Variants in KIAA1217 observed in about 807,000 individuals in gnomAD.
KIAA1217 encodes KIAA1217.
KIAA1217 carries 88 observed loss-of-function variants against 163.9 expected under a neutral mutation model. The observed-to-expected ratio is 0.54, with a 90% CI of 0.45 to 0.64. The LOEUF is 0.64. KIAA1217 is among the 30% of genes least tolerant of loss of function. The pLI, the probability that KIAA1217 is intolerant of heterozygous loss-of-function variation, is 0.00. For synonymous variants in KIAA1217, 903 were observed against 923.1 expected (o/e 0.98, Z 0.39); for missense variants, 2,372 against 2,475.0 (o/e 0.96, Z 0.88).
At chr10:23,923,885 A>G (rs4748915) in intron 1 of KIAA1217, among the ~76,000 whole-genome samples, 2,962 of 152,322 alleles carry the variant, frequency 0.019, 59 homozygotes, top group Admixed American at 0.063. Flanking sequence ...TTTATTTCCA[A>G]TGGCAGTGGC....
At position 23,769,561 on chromosome 10, in the gene KIAA1217, A is replaced by T. The variant is rs571984677; in HGVS notation, c.-321+74327A>T. 4.0e-3 allele frequency among the ~76,000 whole-genome samples: 607 copies of T among 152,338 alleles called. 10 individuals carry two copies. The highest frequency in any genetic ancestry group is 0.013 in the African/African-American group (555 of 41,580). The stretch of plus-strand genomic sequence containing the variant: ...GCTGTTATCATCTTTGTTCTAAATT[A>T]TAAACTATAAATTAAGTTCCTCCCC... On this transcript the variant is annotated intron_variant, in intron 1 of 18. Transcript: ENST00000376462.
intron 2 of KIAA1217, among the ~76,000 whole-genome samples, chr10:24,321,795 G>A (rs1080524): frequency 0.8 from 121,856 of 151,972 alleles, 49,231 homozygotes; most frequent in South Asian, 0.9. Flanking sequence ...TTCAATGGGT[G>A]TGCAGTTTCA....
intron 1 of KIAA1217, among the ~76,000 whole-genome samples, chr10:23,830,111 C>T (rs1026797180): frequency 6.6e-6 from 1 of 152,282 alleles, no homozygotes; most frequent in African/African-American, 2.4e-5. Flanking sequence ...GATTTAATGA[C>T]AGAATGATTC....
intron 2 of KIAA1217, among the ~76,000 whole-genome samples, chr10:24,370,264 C>CAAAAAAAAAAA (rs5783891): frequency 3.1e-4 from 23 of 73,424 alleles, no homozygotes; most frequent in East Asian, 1.9e-3. Flanking sequence ...GACTCTGTCT[C>CAAAAAAAAAAA]AAAAAAAAAA....
chr10:23,697,091 C>T (rs1836093348), intron 1 of KIAA1217, among the ~76,000 whole-genome samples: 1 of 152,140 alleles, frequency 6.6e-6, no homozygotes, highest in Non-Finnish European at 1.5e-5. Flanking sequence ...CATCTCCGTT[C>T]TCTATGAAAT....
intron 2 of KIAA1217, among the ~76,000 whole-genome samples, chr10:24,274,921 T>G (rs1202456323): frequency 6.6e-6 from 1 of 152,122 alleles, no homozygotes; most frequent in African/African-American, 2.4e-5. Context: ...TTTTTAAAAT[T>G]TATTCTCTTT....
chr10:24,263,397 C>G (rs2075905504), intron 2 of KIAA1217, among the ~76,000 whole-genome samples: 1 of 152,156 alleles, frequency 6.6e-6, no homozygotes, highest in Admixed American at 6.5e-5. Context: ...GTGTTTAGCT[C>G]TTGCAGGAAA....
chr10:23,944,423 C>CA (rs1843923869), intron 1 of KIAA1217, among the ~76,000 whole-genome samples: 1 of 148,168 alleles, frequency 6.7e-6, no homozygotes, highest in African/African-American at 2.5e-5. Context: ...GACCCTGTCT[C>CA]AAAAAAAGAA....
chr10:23,823,853 T>G (rs1837740556), intron 1 of KIAA1217, among the ~76,000 whole-genome samples: 1 of 144,280 alleles, frequency 6.9e-6, no homozygotes, highest in African/African-American at 2.6e-5. Flanking sequence ...TAAAAAGGGG[T>G]GGAAGGGAAG....
intron 1 of KIAA1217, among the ~76,000 whole-genome samples, chr10:23,957,194 G>A (rs1355566231): frequency 1.3e-5 from 2 of 152,046 alleles, no homozygotes; most frequent in Middle Eastern, 3.2e-3. Flanking sequence ...CCAGAGTCCC[G>A]TGTGTGCTGG....
intron 2 of KIAA1217, among the ~76,000 whole-genome samples, chr10:24,306,316 C>T (rs2042001632): frequency 6.6e-6 from 1 of 152,158 alleles, no homozygotes; most frequent in African/African-American, 2.4e-5. Context: ...GTACATGGTT[C>T]TGTGCATGAT....
In KIAA1217 at chr10:24,399,136, A is replaced by G. The variant is rs560478954; in HGVS notation, c.553+18069A>G. Among the ~76,000 whole-genome samples, 19 of 152,334 alleles carry G rather than the reference A, an allele frequency of 1.2e-4. No individual in the cohort carries two copies. In the South Asian group the frequency reaches 3.9e-3, roughly 32 times the overall value. ...AGGTCAACTGTAGTTGTACATAGCC[A>G]GTGAGATCATATAGGTCATGTTCTT... On this transcript the variant is annotated intron_variant, in intron 3 of 20. Coordinates refer to ENST00000376454, the MANE Select transcript of KIAA1217 (RefSeq NM_019590.5).
At chr10:24,241,633 T>C (rs1261489182) in intron 2 of KIAA1217, among the ~76,000 whole-genome samples, 3 of 152,190 alleles carry the variant, frequency 2.0e-5, no homozygotes, top group Non-Finnish European at 4.4e-5. Flanking sequence ...AGGAGTCGAA[T>C]ATACTGTCCT....
intron 1 of KIAA1217, among the ~76,000 whole-genome samples, chr10:23,929,177 A>C (rs1403508104): frequency 2.6e-5 from 4 of 152,238 alleles, no homozygotes; most frequent in Non-Finnish European, 5.9e-5. Flanking sequence ...AAGAAATAAA[A>C]TGAAGTAAAT....
chr10:24,323,768 C>G (rs1300417833), intron 2 of KIAA1217, among the ~76,000 whole-genome samples: 3 of 147,634 alleles, frequency 2.0e-5, no homozygotes, highest in Non-Finnish European at 4.4e-5. Context: ...AATTTGAAGA[C>G]AATGCCCATG....
chr10:23,984,660 G>A (rs1845899706), intron 1 of KIAA1217, among the ~76,000 whole-genome samples: 1 of 151,974 alleles, frequency 6.6e-6, no homozygotes, highest in Admixed American at 6.6e-5. Flanking sequence ...AACTAACCCA[G>A]GAACAGAAAA....
chr10:23,841,711 T>C (rs1408304067), intron 1 of KIAA1217, among the ~76,000 whole-genome samples: 1 of 152,078 alleles, frequency 6.6e-6, no homozygotes, highest in Admixed American at 6.6e-5. Context: ...GCAGCTTAAA[T>C]TGATTTAAAC....
intron 2 of KIAA1217, among the ~76,000 whole-genome samples, chr10:24,086,436 T>A (rs1047042460): frequency 2.9e-4 from 44 of 152,358 alleles, no homozygotes; most frequent in African/African-American, 1.1e-3. Context: ...TTATTTCTTA[T>A]GTCCCCTTTG....
At chr10:24,449,665 G>A (rs147558283) in intron 5 of KIAA1217, 17 of 985,388 alleles carry the variant, frequency 1.7e-5, no homozygotes, top group East Asian at 1.1e-4. Context: ...TCACCATGAA[G>A]ACAGGCAAAG....
Sources: gnomAD v4.1 joint callset for allele counts (sites outside exome capture counted in the v4.1 genomes callset) on GRCh38, gnomAD v4.1.1 for gene constraint, MANE v1.5 for transcripts, NCBI Gene and HGNC (gene_info 2026-07-23, HGNC 2026-07-21) for gene names.